COL11A2: variants seen among roughly 807,000 people sequenced by gnomAD.
COL11A2 encodes collagen type XI alpha 2 chain.
Under a neutral mutation model 273.4 loss-of-function variants are expected in COL11A2, and 116 were observed. That is an observed-to-expected ratio of 0.42 (90% confidence interval 0.36 to 0.49). The LOEUF is 0.49. Among genes scored for constraint, COL11A2 ranks in the 20% least tolerant of loss-of-function variants. The pLI is 0.00. For synonymous variants in COL11A2, 782 were observed against 864.2 expected, an observed-to-expected ratio of 0.90 and a Z score of 1.67; for missense variants, 1,866 against 2,309.0, an observed-to-expected ratio of 0.81 and a Z score of 3.93.
At chr6:33,182,785 C>T (rs1479082408) in intron 8 of COL11A2, among the ~76,000 whole-genome samples, 1 of 151,944 alleles carries the variant, frequency 6.6e-6, no homozygotes, top group Non-Finnish European at 1.5e-5. Context: ...ACATTCCAAG[C>T]CCACCAGTTC....
At chr6:33,168,214 C>A (rs929843091) in intron 54 of COL11A2, among the ~76,000 whole-genome samples, 2 of 152,042 alleles carry the variant, frequency 1.3e-5, no homozygotes, top group Non-Finnish European at 2.9e-5. Context: ...AACATACACA[C>A]CAGAACCCAG....
In COL11A2 at chr6:33,169,132, T is replaced by A; in HGVS notation, c.3799-124A>T. The A allele has an allele frequency of 1.1e-6, 1 of 938,904 alleles. No homozygotes were observed. The allele number at this position is 938,904 out of a possible 1,614,324, so 58.2% of individuals were successfully genotyped here. A position where few individuals can be genotyped will look rare whatever the true frequency, so the allele number is the denominator to read the frequency against. ...CCCACCAGTACCCCCCAGGAAGAGGTCTCCTGCACCCCTTTCCCTACCACG... is the reference window on the plus strand; with the variant it reads ...CCCACCAGTACCCCCCAGGAAGAGGACTCCTGCACCCCTTTCCCTACCACG... On this transcript the variant is annotated intron_variant, in intron 51 of 65. Transcript: ENST00000341947. This position sits in a 1 kb window ranked among gnomAD's most constrained non-coding sequence, Gnocchi z 5.5.
chr6:33,184,668 G>A lies in COL11A2; in HGVS notation c.939+324C>T, dbSNP rs867913831. Among the ~76,000 whole-genome samples, 6 of 152,200 alleles carry A rather than the reference G, an allele frequency of 3.9e-5. No homozygotes were observed. The South Asian group carries it at 8.3e-4, about 21-fold the overall frequency. On this transcript the variant is annotated intron_variant, in intron 7 of 65. Transcript: ENST00000341947. ...CAAAGAGATAGGGAAGACAAAAGGT[G>A]ACAACACTGGACAGAAAGTGGCTCC... is the stretch of plus-strand genomic sequence containing the variant.
chr6:33,175,871 A>T, intron 29 of COL11A2, 145 bp downstream of exon 29: 1 of 1,138,870 alleles, frequency 8.8e-7, no homozygotes, highest in Non-Finnish European at 1.3e-6. Context: ...TGGGGCTATC[A>T]TCCTGTAGGG....
chr6:33,165,181 C>G lies in COL11A2; in HGVS notation c.4751-217G>C, dbSNP rs1268689685. Among the ~76,000 whole-genome samples, 1 of 152,144 alleles carries G rather than the reference C, an allele frequency of 6.6e-6. No individual in the cohort carries two copies. Among genetic ancestry groups the G allele is most frequent in the Non-Finnish European group, 1.5e-5 (1 of 68,018 alleles). On this transcript the variant is annotated intron_variant, in intron 63 of 65. Coordinates refer to ENST00000341947, the MANE Select transcript of COL11A2 (RefSeq NM_080680.3). The surrounding 1 kb of genome is among the most constrained non-coding windows in gnomAD (Gnocchi z 7.7). ...ACTTTCATCACGTGACACCTCTGCC[C>G]CCAACAGTAACCCCAGGCCCTCTGA... is the stretch of plus-strand genomic sequence containing the variant.
Position 33,176,372 on chromosome 6 carries a change from T to C in COL11A2, c.2169+61A>G. On this transcript the variant is annotated intron_variant, in intron 27 of 65. Transcript: ENST00000341947. The surrounding 1 kb of genome is among the most constrained non-coding windows in gnomAD (Gnocchi z 4.9). ...AGGTGGGTTGGAAGGACCAAGCTCCTAAGACCCCATATAGCTCCCCTGACC... is the reference window on the plus strand; with the variant it reads ...AGGTGGGTTGGAAGGACCAAGCTCCCAAGACCCCATATAGCTCCCCTGACC... The C allele has an allele frequency of 6.2e-7, 1 of 1,602,912 alleles. No homozygotes were observed. The highest frequency in any genetic ancestry group is 8.5e-7 in the Non-Finnish European group (1 of 1,173,936).
chr6:33,184,656 A>C (rs1215333172), intron 7 of COL11A2, among the ~76,000 whole-genome samples: 1 of 152,150 alleles, frequency 6.6e-6, no homozygotes, highest in East Asian at 1.9e-4. Flanking sequence ...AGAGATAGGG[A>C]AGACAAAAGG....
rs774068656 is a variant in COL11A2 at position 33,163,826 on chromosome 6, G to A, written c.5071-8C>T. On this transcript the variant is annotated splice_polypyrimidine_tract_variant and splice_region_variant and intron_variant, in intron 65 of 65. Transcript: ENST00000341947. This position sits in a 1 kb window ranked among gnomAD's most constrained non-coding sequence, Gnocchi z 4.1. Reference sequence around the variant, plus strand: ...CGTCCGGCCTTGCTGTGTCTTCAGGGGGAGACAAGGAAGAAAGTGTGAGCA... The same window carrying A: ...CGTCCGGCCTTGCTGTGTCTTCAGGAGGAGACAAGGAAGAAAGTGTGAGCA... 2 of 1,612,756 alleles carry A rather than the reference G, an allele frequency of 1.2e-6. No individual in the cohort carries two copies. Among genetic ancestry groups the A allele is most frequent in the Non-Finnish European group, 1.7e-6 (2 of 1,179,924 alleles).
intron 1 of COL11A2, 48 bp downstream of exon 1, chr6:33,192,111 A>C: frequency 6.6e-7 from 1 of 1,519,804 alleles, no homozygotes; most frequent in African/African-American, 1.4e-5. Context: ...AGAGACACTC[A>C]GAGCTCCAGC....
rs1171799753 is a variant in COL11A2, at chr6:33,166,897, G to A, written c.4231-70C>T. On this transcript the variant is annotated intron_variant, in intron 58 of 65. Coordinates refer to ENST00000341947, the MANE Select transcript of COL11A2 (RefSeq NM_080680.3). The surrounding 1 kb of genome is among the most constrained non-coding windows in gnomAD (Gnocchi z 4.8). ...TGTGGATGGGGGAGAAGGGCCAAGA[G>A]GACATGGAGAGGGAGCCGGGCACAG... The A allele has an allele frequency of 6.4e-7, 1 of 1,556,580 alleles. No individual in the cohort carries two copies. The highest frequency in any genetic ancestry group is 8.8e-7 in the Non-Finnish European group (1 of 1,138,978).
intron 4 of COL11A2, among the ~76,000 whole-genome samples, chr6:33,187,471 T>C (rs1005974411): frequency 6.6e-6 from 1 of 152,154 alleles, no homozygotes; most frequent in Admixed American, 6.5e-5. Context: ...TCAGAAAATG[T>C]TGACTGGCTT....
At chr6:33,172,228 G>A (rs1583315235) in intron 40 of COL11A2, 61 bp downstream of exon 40, 79 of 1,563,692 alleles carry the variant, frequency 5.1e-5, no homozygotes, top group Non-Finnish European at 6.4e-5. Flanking sequence ...GGACAGGGTC[G>A]GGGTGGGGAC....
chr6:33,166,676 C>T lies in COL11A2; in HGVS notation c.4338+44G>A. On this transcript the variant is annotated intron_variant, in intron 59 of 65. Transcript: ENST00000341947. This position sits in a 1 kb window ranked among gnomAD's most constrained non-coding sequence, Gnocchi z 4.8. ...ACTCCAACTCCACCCCTCTCCACCC[C>T]ACTCTCAACCCCCACAACTTCCGGG... 1 of 1,612,682 alleles carries T rather than the reference C, an allele frequency of 6.2e-7. No homozygotes were observed. Among genetic ancestry groups the T allele is most frequent in the Non-Finnish European group, 8.5e-7 (1 of 1,178,838 alleles).
At chr6:33,174,368 G>T in intron 31 of COL11A2, 150 bp from the exon 32 acceptor site, 1 of 1,379,170 alleles carries the variant, frequency 7.3e-7, no homozygotes, top group Non-Finnish European at 1.0e-6. Flanking sequence ...AACCCCTGCT[G>T]CTCTCTGGGC....
In COL11A2 at chr6:33,177,401, G is replaced by A; in HGVS notation, c.1971+11C>T. ...ATGAAAATTGGGGAACGGAGTAGGGGCACCGCTCACCTGGGTCCCAGGGGT... is the reference window on the plus strand; with the variant it reads ...ATGAAAATTGGGGAACGGAGTAGGGACACCGCTCACCTGGGTCCCAGGGGT... On this transcript the variant is annotated intron_variant, in intron 23 of 65. Coordinates refer to ENST00000341947, the MANE Select transcript of COL11A2 (RefSeq NM_080680.3). The surrounding 1 kb of genome is among the most constrained non-coding windows in gnomAD (Gnocchi z 5.9). 6.2e-7 allele frequency: 1 copy of A among 1,612,792 alleles called. No homozygotes were observed.
chr6:33,188,409 C>T lies in COL11A2; in HGVS notation c.559G>A (p.Gly187Arg), dbSNP rs1350969247. ...ATACGGGCACCAAAGATGATCACTC[C>T]ATGGGTGTCCAATACTGGACGAGCA... ...RSARPVLDTH[G>R]VIIFGARILD... Residue 187 changes from glycine (G) to arginine (R), a missense_variant, in exon 4 of 66, where the codon GGA becomes AGA. Transcript: ENST00000341947. 2 of 1,613,032 alleles carry T rather than the reference C, an allele frequency of 1.2e-6. No homozygotes were observed. Among genetic ancestry groups the T allele is most frequent in the Admixed American group, 1.7e-5 (1 of 60,022 alleles).
rs201392156 is a variant in COL11A2, at chr6:33,167,814, T to C, written c.3999A>G (p.Gly1333=). The C allele has an allele frequency of 6.4e-5, 104 of 1,612,590 alleles. No individual in the cohort carries two copies. The highest frequency in any genetic ancestry group is 1.6e-4 in the Middle Eastern group (1 of 6,078). ...AGSPGSEGRQ[G]GKGAKGDPGA... ...TGTCCCTCACCTTGGCTCCCTTCCCTCCTTGTCGCCCCTCGGAACCAGGCG... is the reference window on the plus strand; with the variant it reads ...TGTCCCTCACCTTGGCTCCCTTCCCCCCTTGTCGCCCCTCGGAACCAGGCG... Residue 1333 remains glycine (G), a synonymous_variant, in exon 55 of 66, where the codon GGA becomes GGG. Coordinates refer to ENST00000341947, the MANE Select transcript of COL11A2 (RefSeq NM_080680.3). This position sits in a 1 kb window ranked among gnomAD's most constrained non-coding sequence, Gnocchi z 6.1.
chr6:33,167,072 T>C lies in COL11A2; in HGVS notation c.4228A>G (p.Lys1410Glu), dbSNP rs780158388. 5.6e-6 allele frequency: 9 copies of C among 1,613,708 alleles called. 1 individual carries two copies. In the Middle Eastern group the frequency reaches 5.2e-4, roughly 93 times the overall value. The change falls in exon 58 of 66, where the codon AAG becomes GAG. Residue 1410 changes from lysine (K) to glutamate (E), a missense_variant and splice_region_variant. Transcript: ENST00000341947. This position sits in a 1 kb window ranked among gnomAD's most constrained non-coding sequence, Gnocchi z 6.1. The part of the protein sequence containing the change: ...LRGDAGAKGE[K>E]GHPGLIGLIG... Reference sequence around the variant, plus strand: ...CCACGTGTCTGTCTGTCACTCACCTTCTCTCCCTTGGCTCCAGCATCGCCC... The same window carrying C: ...CCACGTGTCTGTCTGTCACTCACCTCCTCTCCCTTGGCTCCAGCATCGCCC...
In COL11A2 at chr6:33,163,375, C is replaced by T; in HGVS notation, c.*303G>A. On this transcript the variant is annotated 3_prime_UTR_variant, in exon 66 of 66. Transcript: ENST00000341947. The surrounding 1 kb of genome is among the most constrained non-coding windows in gnomAD (Gnocchi z 4.1). The stretch of plus-strand genomic sequence containing the variant: ...TTTTAAATACAAAATACGCCATGTC[C>T]TTTCTCTTCTCTTCCATTTGTTTGG... The T allele has an allele frequency of 2.0e-6, 1 of 511,574 alleles. No homozygotes were observed. The highest frequency in any genetic ancestry group is 3.3e-5 in the Admixed American group (1 of 30,192). 31.7% of individuals were successfully genotyped at this position (511,574 alleles called of 1,614,324 possible).
Sources: gnomAD v4.1 joint callset for allele counts (sites outside exome capture counted in the v4.1 genomes callset) on GRCh38, gnomAD v4.1.1 for gene constraint, Gnocchi (gnomAD v3.1) non-coding constraint, MANE v1.5 for transcripts, NCBI Gene and HGNC (gene_info 2026-07-23, HGNC 2026-07-21) for gene names.